ROBO1: variants seen among roughly 807,000 people sequenced by gnomAD.
ROBO1 encodes roundabout homolog 1.
ROBO1 carries 149 observed loss-of-function variants against 195.9 expected under a neutral mutation model. The observed-to-expected ratio is 0.76, with a 90% CI of 0.67 to 0.87. The LOEUF (loss-of-function observed/expected upper bound fraction) is 0.87. Ranked by LOEUF, ROBO1 falls within the 40% of genes least tolerant of loss-of-function variation. The pLI is 0.00. For missense variants in ROBO1, 1,933 were observed against 2,068.3 expected (o/e 0.93, Z 1.27); for synonymous variants, 816 against 733.2 (o/e 1.11, Z -1.82).
chr3:79,714,573 A>T (rs1702404127), intron 1 of ROBO1, among the ~76,000 whole-genome samples: 1 of 151,762 alleles, frequency 6.6e-6, no homozygotes, highest in South Asian at 2.1e-4. Flanking sequence ...GGCACTATTC[A>T]CAATAGCAAA....
At chr3:79,176,296 T>C (rs566850091) in intron 2 of ROBO1, among the ~76,000 whole-genome samples, 55 of 152,354 alleles carry the variant, frequency 3.6e-4, no homozygotes, top group African/African-American at 1.2e-3. Context: ...CTCTGCTTAA[T>C]GTCATGACTT....
intron 1 of ROBO1, among the ~76,000 whole-genome samples, chr3:79,644,606 G>A (rs1187647745): frequency 6.6e-6 from 1 of 152,068 alleles, no homozygotes; most frequent in Non-Finnish European, 1.5e-5. Context: ...GGAAAGCCTT[G>A]CCCCATTATT....
intron 2 of ROBO1, among the ~76,000 whole-genome samples, chr3:79,162,694 A>G (rs1200152924): frequency 6.6e-6 from 1 of 152,196 alleles, no homozygotes; most frequent in Non-Finnish European, 1.5e-5. Context: ...TTATGCATTC[A>G]TAATAGGATT....
chr3:78,958,159 A>G (rs570218994), intron 3 of ROBO1, among the ~76,000 whole-genome samples: 1 of 152,332 alleles, frequency 6.6e-6, no homozygotes, highest in South Asian at 2.1e-4. Context: ...ACATATATGC[A>G]TAAACGTCTG....
chr3:79,567,841 C>G (rs1021338781), intron 2 of ROBO1, among the ~76,000 whole-genome samples: 1 of 151,934 alleles, frequency 6.6e-6, no homozygotes, highest in Non-Finnish European at 1.5e-5. Flanking sequence ...ATTATAAGTT[C>G]TCACAAGAGA....
At chr3:79,732,113 T>A (rs1703176290) in intron 1 of ROBO1, among the ~76,000 whole-genome samples, 1 of 152,010 alleles carries the variant, frequency 6.6e-6, no homozygotes. Flanking sequence ...AGTATGTTAC[T>A]ATATTAAATA....
chr3:79,641,043 A>G (rs1339563034), intron 1 of ROBO1, among the ~76,000 whole-genome samples: 1 of 152,116 alleles, frequency 6.6e-6, no homozygotes, highest in Non-Finnish European at 1.5e-5. Flanking sequence ...GGTGGATTGG[A>G]TATAGGGAAG....
intron 4 of ROBO1, among the ~76,000 whole-genome samples, chr3:78,764,674 A>G (rs1384661367): frequency 6.6e-6 from 1 of 152,190 alleles, no homozygotes; most frequent in Non-Finnish European, 1.5e-5. Context: ...GAGAAAATTA[A>G]GCCCATTCCT....
At chr3:78,693,342 A>C in intron 8 of ROBO1, 1 of 1,550,364 alleles carries the variant, frequency 6.5e-7, no homozygotes, top group Non-Finnish European at 8.7e-7. Flanking sequence ...TAAAATGTCA[A>C]CTTACCAGAC....
chr3:79,738,622 CA>C (rs1703492485), intron 1 of ROBO1, among the ~76,000 whole-genome samples: 1 of 152,092 alleles, frequency 6.6e-6, no homozygotes. Flanking sequence ...TATTTATTCA[CA>C]AGAAGTTTCA....
chr3:79,520,157 C>CAA (rs111705222), intron 2 of ROBO1, among the ~76,000 whole-genome samples: 33 of 96,464 alleles, frequency 3.4e-4, no homozygotes, highest in African/African-American at 7.0e-4. Context: ...AAGATTCTAT[C>CAA]AAAAAAAAAA....
chr3:78,764,432 T>TA lies in ROBO1; in HGVS notation c.500-17533dup, dbSNP rs573345683. Among the ~76,000 whole-genome samples, 435 of 152,276 alleles carry TA rather than the reference T, an allele frequency of 2.9e-3. 3 individuals are homozygous for TA. Among genetic ancestry groups the TA allele is most frequent in the African/African-American group, 9.9e-3 (410 of 41,574 alleles). Reference sequence around the variant, plus strand: ...CCAAAGAAAACAAACAGCATTTTATTAAAACAATTAAAAAATATTTTGAGA... The same window carrying TA: ...CCAAAGAAAACAAACAGCATTTTATTAAAAACAATTAAAAAATATTTTGAGA... On this transcript the variant is annotated intron_variant, in intron 4 of 30. Transcript: ENST00000464233.
intron 2 of ROBO1, among the ~76,000 whole-genome samples, chr3:79,338,838 T>G (rs1229095999): frequency 7.2e-5 from 11 of 152,194 alleles, no homozygotes; most frequent in African/African-American, 2.7e-4. Context: ...ACTTCTCACC[T>G]GAACTCCACT....
chr3:79,472,966 G>GA (rs564478075), intron 2 of ROBO1, among the ~76,000 whole-genome samples: 63 of 152,258 alleles, frequency 4.1e-4, no homozygotes, highest in African/African-American at 1.5e-3. Flanking sequence ...AGGTGCTAGG[G>GA]AGTGAGAGTG....
intron 5 of ROBO1, among the ~76,000 whole-genome samples, chr3:78,730,157 A>G (rs796942747): frequency 5.9e-5 from 9 of 152,332 alleles, no homozygotes; most frequent in African/African-American, 2.2e-4. Context: ...GCTCTTTTGA[A>G]TTACAAGTAC....
intron 5 of ROBO1, among the ~76,000 whole-genome samples, chr3:78,733,601 A>C (rs2082329631): frequency 6.6e-6 from 1 of 152,222 alleles, no homozygotes; most frequent in Non-Finnish European, 1.5e-5. Flanking sequence ...CTTTGAGATA[A>C]ATTCTAAAAC....
intron 4 of ROBO1, among the ~76,000 whole-genome samples, chr3:78,914,760 T>C (rs929695815): frequency 1.4e-5 from 2 of 146,756 alleles, no homozygotes; most frequent in Non-Finnish European, 3.0e-5. Flanking sequence ...TTATAAATTA[T>C]ATATATATAT....
intron 3 of ROBO1, among the ~76,000 whole-genome samples, chr3:78,969,413 A>C (rs1249997597): frequency 6.6e-6 from 1 of 152,202 alleles, no homozygotes; most frequent in Non-Finnish European, 1.5e-5. Flanking sequence ...ATTTTGAATC[A>C]CATATTAGTT....
chr3:79,324,436 C>T (rs2109141790), intron 2 of ROBO1, among the ~76,000 whole-genome samples: 1 of 152,176 alleles, frequency 6.6e-6, no homozygotes. Flanking sequence ...GTGATTAACA[C>T]CGTAGGATCT....
Sources: allele counts gnomAD v4.1 joint callset (sites outside exome capture counted in the v4.1 genomes callset), GRCh38; gene constraint gnomAD v4.1.1; transcripts MANE v1.5; gene names NCBI Gene and HGNC (gene_info 2026-07-23, HGNC 2026-07-21).